SPOCK1: variants seen among roughly 807,000 people sequenced by gnomAD.
SPOCK1 encodes testican-1.
A neutral mutation model predicts 55.3 loss-of-function variants in SPOCK1; 23 were observed. That is an observed-to-expected ratio of 0.42 (90% CI 0.30 to 0.59). SPOCK1 has a LOEUF of 0.59. Among genes scored for constraint, SPOCK1 ranks in the 20% least tolerant of loss-of-function variants. The pLI is 0.22. For missense variants in SPOCK1, 499 were observed against 552.5 expected (o/e 0.90, Z 0.97); for synonymous variants, 226 against 221.0 (o/e 1.02, Z -0.20).
At chr5:137,016,222 T>A (rs1394234973) in intron 6 of SPOCK1, among the ~76,000 whole-genome samples, 1 of 152,232 alleles carries the variant, frequency 6.6e-6, no homozygotes, top group African/African-American at 2.4e-5. Context: ...CAAACTGCTA[T>A]GCTCTCCTTG....
At chr5:137,215,311 T>C (rs1755695432) in intron 3 of SPOCK1, among the ~76,000 whole-genome samples, 1 of 152,160 alleles carries the variant, frequency 6.6e-6, no homozygotes, top group African/African-American at 2.4e-5. Context: ...CTTGGTGAAA[T>C]CACCCTGTAT....
chr5:137,295,314 CT>C (rs1386858298), intron 2 of SPOCK1, among the ~76,000 whole-genome samples: 2 of 152,162 alleles, frequency 1.3e-5, no homozygotes, highest in African/African-American at 4.8e-5. Context: ...CACTGTGTTG[CT>C]CTAAATGTCA....
intron 3 of SPOCK1, among the ~76,000 whole-genome samples, chr5:137,205,201 C>T (rs1161764315): frequency 1.3e-5 from 2 of 152,138 alleles, no homozygotes; most frequent in East Asian, 3.9e-4. Flanking sequence ...TGGCATGGTA[C>T]TTGGTAAGAA....
chr5:137,306,155 G>A (rs138795690), intron 2 of SPOCK1, among the ~76,000 whole-genome samples: 262 of 152,322 alleles, frequency 1.7e-3, no homozygotes, highest in African/African-American at 5.7e-3. Flanking sequence ...AGAGGAACAC[G>A]TCATACAGTG....
At chr5:137,135,815 A>C (rs1753972931) in intron 4 of SPOCK1, among the ~76,000 whole-genome samples, 1 of 152,182 alleles carries the variant, frequency 6.6e-6, no homozygotes, top group African/African-American at 2.4e-5. Context: ...TGGATGTATC[A>C]ATAGCCTATT....
At chr5:137,379,834 T>G (rs1751420928) in intron 2 of SPOCK1, among the ~76,000 whole-genome samples, 1 of 152,160 alleles carries the variant, frequency 6.6e-6, no homozygotes, top group East Asian at 1.9e-4. Context: ...TATCTTCTCT[T>G]TCCAAAGTCC....
chr5:137,074,854 G>A (rs1044967057), intron 5 of SPOCK1, among the ~76,000 whole-genome samples: 3 of 152,006 alleles, frequency 2.0e-5, no homozygotes, highest in Non-Finnish European at 4.4e-5. Flanking sequence ...ACAGGCACCC[G>A]CCACCACGCC....
chr5:137,186,637 A>C (rs1261140442), intron 3 of SPOCK1, among the ~76,000 whole-genome samples: 1 of 152,202 alleles, frequency 6.6e-6, no homozygotes, highest in South Asian at 2.1e-4. Context: ...GATTTATATA[A>C]GGGCTATCTG....
Position 137,285,668 on chromosome 5 carries a change from G to A in SPOCK1, c.187-18613C>T, listed in dbSNP as rs141573127. On this transcript the variant is annotated intron_variant, in intron 2 of 10. Transcript: ENST00000394945. ...AGACAGGAAAAAGACATGAAACATG[G>A]AGCTGCCATGGCATTCCATTTTGAA... Among the ~76,000 whole-genome samples the A allele has an allele frequency of 6.6e-3, 1,004 of 152,268 alleles. 5 individuals carry two copies. The highest frequency in any genetic ancestry group is 0.014 in the Middle Eastern group (4 of 294).
chr5:137,316,249 T>A lies in SPOCK1; in HGVS notation c.187-49194A>T, dbSNP rs367864313. On this transcript the variant is annotated intron_variant, in intron 2 of 10. Coordinates refer to ENST00000394945, the MANE Select transcript of SPOCK1 (RefSeq NM_004598.4). ...GTCATAATCCCACTCATGAAGGACA[T>A]GCCCTCAAATCATCTCTCAAAGGAC... is the stretch of plus-strand genomic sequence containing the variant. Among the ~76,000 whole-genome samples the A allele has an allele frequency of 3.3e-4, 51 of 152,324 alleles. No individual in the cohort carries two copies. In the South Asian group the frequency reaches 0.01, roughly 31 times the overall value.
intron 6 of SPOCK1, among the ~76,000 whole-genome samples, chr5:137,011,234 T>G (rs1376117567): frequency 6.6e-6 from 1 of 152,174 alleles, no homozygotes; most frequent in African/African-American, 2.4e-5. Context: ...GAAACTTTAG[T>G]GCAATTGAGT....
chr5:137,186,174 A>T (rs902383657), intron 3 of SPOCK1, among the ~76,000 whole-genome samples: 1 of 152,140 alleles, frequency 6.6e-6, no homozygotes, highest in African/African-American at 2.4e-5. Context: ...CCCTTCAGAT[A>T]TTTTCCTCTC....
chr5:137,351,281 C>T (rs181362581), intron 2 of SPOCK1, among the ~76,000 whole-genome samples: 42 of 152,358 alleles, frequency 2.8e-4, no homozygotes, highest in Admixed American at 7.2e-4. Context: ...CACTCACTGG[C>T]TGTGTGCAGC....
intron 6 of SPOCK1, among the ~76,000 whole-genome samples, chr5:136,993,895 C>T (rs1309615180): frequency 1.3e-5 from 2 of 152,172 alleles, no homozygotes; most frequent in African/African-American, 4.8e-5. Context: ...CCCCCATCGG[C>T]CTGCCTTGCA....
chr5:137,200,270 C>T (rs767704797), intron 3 of SPOCK1, among the ~76,000 whole-genome samples: 4 of 152,204 alleles, frequency 2.6e-5, no homozygotes, highest in Non-Finnish European at 5.9e-5. Context: ...TCCCCAATGT[C>T]CCTGCCTCCT....
chr5:137,006,378 C>T (rs1018003846), intron 6 of SPOCK1, among the ~76,000 whole-genome samples: 6 of 152,118 alleles, frequency 3.9e-5, no homozygotes, highest in African/African-American at 1.4e-4. Context: ...TCTCTTATTT[C>T]CTTGAGCAGT....
In SPOCK1 at chr5:137,282,089, T is replaced by G. The variant is rs1757174534; in HGVS notation, c.187-15034A>C. Among the ~76,000 whole-genome samples the G allele has an allele frequency of 3.9e-5, 6 of 152,184 alleles. 1 individual carries two copies. The South Asian group carries it at 1.2e-3, about 32-fold the overall frequency. Reference sequence around the variant, plus strand: ...CTACTCTATCGGGTTAACGGGAGGATTATTTGAGACTTACATGCCAAACAC... The same window carrying G: ...CTACTCTATCGGGTTAACGGGAGGAGTATTTGAGACTTACATGCCAAACAC... On this transcript the variant is annotated intron_variant, in intron 2 of 10. Coordinates refer to ENST00000394945, the MANE Select transcript of SPOCK1 (RefSeq NM_004598.4).
rs555003071 is a variant in SPOCK1, at chr5:137,327,975, T to G, written c.187-60920A>C. Among the ~76,000 whole-genome samples, 4 of 152,338 alleles carry G rather than the reference T, an allele frequency of 2.6e-5. No homozygotes were observed. In the East Asian group the frequency reaches 7.7e-4, roughly 29 times the overall value. ...ACCCCTCAGATTCTTAAGATCACAC[T>G]GCGGAATTAACCATCCATGGTCCAC... is the stretch of plus-strand genomic sequence containing the variant. On this transcript the variant is annotated intron_variant, in intron 2 of 10. Transcript: ENST00000394945.
chr5:137,060,560 T>C (rs1182844308), intron 6 of SPOCK1, among the ~76,000 whole-genome samples: 1 of 152,130 alleles, frequency 6.6e-6, no homozygotes, highest in Non-Finnish European at 1.5e-5. Flanking sequence ...GCAATTTATC[T>C]ATAGAACCAA....
Sources: gnomAD v4.1 joint callset for allele counts (sites outside exome capture counted in the v4.1 genomes callset) on GRCh38, gnomAD v4.1.1 for gene constraint, MANE v1.5 for transcripts, NCBI Gene and HGNC (gene_info 2026-07-23, HGNC 2026-07-21) for gene names.